IL1RAPL2: variants seen among roughly 807,000 people sequenced by gnomAD.
The protein encoded by IL1RAPL2 is interleukin 1 receptor accessory protein like 2.
IL1RAPL2 carries 3 observed loss-of-function variants against 44.1 expected under a neutral mutation model. The observed-to-expected ratio is 0.07, with a 90% CI of 0.03 to 0.18. IL1RAPL2 has a LOEUF of 0.18. Ranked by LOEUF, IL1RAPL2 falls within the 10% of genes least tolerant of loss-of-function variation. IL1RAPL2 has a pLI of 1.00. For missense variants in IL1RAPL2, 391 were observed against 496.4 expected (o/e 0.79, Z 2.02); for synonymous variants, 181 against 178.8 (o/e 1.01, Z -0.10).
At chrX:105,643,729 A>C (rs1002314794) in intron 6 of IL1RAPL2, among the ~76,000 whole-genome samples, 2 of 111,568 alleles carry the variant, frequency 1.8e-5, no homozygotes, top group African/African-American at 6.5e-5. Context: ...ATGTCCAGTC[A>C]GTCCTTGGCA....
At chrX:105,431,585 A>G (rs1431567995) in intron 5 of IL1RAPL2, among the ~76,000 whole-genome samples, 1 of 111,187 alleles carries the variant, frequency 9.0e-6, no homozygotes, top group Non-Finnish European at 1.9e-5. Flanking sequence ...TCTTCCCTTA[A>G]AACATTAAAA....
In IL1RAPL2 at chrX:105,720,845, G is replaced by C. The variant is rs192574144; in HGVS notation, c.902+3349G>C. Among the ~76,000 whole-genome samples the C allele has an allele frequency of 1.5e-4, 16 of 110,110 alleles. No individual in the cohort carries two copies. In the Admixed American group the frequency reaches 1.5e-3, roughly 11 times the overall value. On this transcript the variant is annotated intron_variant, in intron 7 of 10. Transcript: ENST00000372582. ...AATTTTTGATTTATAGGAAAATCAT[G>C]AGGATAGTATATAGAGTTCCTATAT...
chrX:105,545,945 C>T (rs1404961477), intron 6 of IL1RAPL2, among the ~76,000 whole-genome samples: 1 of 111,506 alleles, frequency 9.0e-6, no homozygotes, highest in Admixed American at 9.6e-5. Context: ...TTATCCCAAC[C>T]ATGACTGCAG....
chrX:104,863,794 T>C (rs1295026391), intron 2 of IL1RAPL2, among the ~76,000 whole-genome samples: 2 of 112,265 alleles, frequency 1.8e-5, no homozygotes, highest in Non-Finnish European at 3.8e-5. Flanking sequence ...TAAGACTAAA[T>C]ACTATTTCAT....
intron 5 of IL1RAPL2, among the ~76,000 whole-genome samples, chrX:105,364,859 C>A (rs953200818): frequency 9.0e-6 from 1 of 111,705 alleles, no homozygotes; most frequent in Non-Finnish European, 1.9e-5. Context: ...GAGACAGTTT[C>A]ACTTTTTCCT....
intron 2 of IL1RAPL2, among the ~76,000 whole-genome samples, chrX:105,116,871 G>C (rs2032867947): frequency 8.9e-6 from 1 of 111,855 alleles, no homozygotes; most frequent in African/African-American, 3.3e-5. Flanking sequence ...ATTTAATGTT[G>C]CTGACAATTG....
chrX:104,585,286 A>AATATATT (rs1253181616), intron 1 of IL1RAPL2, among the ~76,000 whole-genome samples: 1 of 22,210 alleles, frequency 4.5e-5, no homozygotes, highest in East Asian at 2.2e-3. Context: ...TATATTATAT[A>AATATATT]ATATATTATA....
intron 4 of IL1RAPL2, 67 bp from the exon 5 acceptor site, chrX:105,267,321 T>C: frequency 5.3e-6 from 5 of 939,981 alleles, no homozygotes; most frequent in Non-Finnish European, 4.5e-6. Context: ...AAGTACTAAC[T>C]TGCTGGTACT....
intron 2 of IL1RAPL2, among the ~76,000 whole-genome samples, chrX:104,708,611 A>C (rs1056071265): frequency 1.8e-5 from 2 of 111,304 alleles, no homozygotes; most frequent in Non-Finnish European, 3.8e-5. Context: ...TGGCAAATAC[A>C]TTTATTTACT....
intron 2 of IL1RAPL2, among the ~76,000 whole-genome samples, chrX:104,795,604 T>C (rs1209154992): frequency 9.0e-6 from 1 of 111,095 alleles, no homozygotes; most frequent in Non-Finnish European, 1.9e-5. Flanking sequence ...CTTGAGGAAA[T>C]ATTCTGTTAT....
At chrX:104,892,648 T>A (rs752766504) in intron 2 of IL1RAPL2, among the ~76,000 whole-genome samples, 1 of 112,009 alleles carries the variant, frequency 8.9e-6, no homozygotes, top group South Asian at 3.7e-4. Context: ...ATCCCCTTTA[T>A]CATTTTTTAT....
intron 2 of IL1RAPL2, among the ~76,000 whole-genome samples, chrX:104,743,179 T>G (rs1932122178): frequency 1.8e-5 from 2 of 110,910 alleles, no homozygotes; most frequent in African/African-American, 6.5e-5. Flanking sequence ...TTTACTCTCT[T>G]TACTCCGAGT....
At chrX:104,676,365 G>A (rs1394151193) in intron 2 of IL1RAPL2, among the ~76,000 whole-genome samples, 10 of 111,135 alleles carry the variant, frequency 9.0e-5, no homozygotes, top group South Asian at 3.8e-4. Flanking sequence ...ATGAAGCTTA[G>A]TTTGGCTGGA....
intron 2 of IL1RAPL2, among the ~76,000 whole-genome samples, chrX:105,153,246 T>C (rs1449192459): frequency 1.8e-5 from 2 of 112,454 alleles, no homozygotes; most frequent in African/African-American, 6.5e-5. Context: ...GTAAATACCA[T>C]TTTAACATAG....
At chrX:104,677,355 C>T (rs1006715600) in intron 2 of IL1RAPL2, among the ~76,000 whole-genome samples, 3 of 109,483 alleles carry the variant, frequency 2.7e-5, no homozygotes, top group Admixed American at 9.7e-5. Context: ...AATACCCTGC[C>T]GTGTGAGGTG....
chrX:104,895,546 C>T (rs367881451), intron 2 of IL1RAPL2, among the ~76,000 whole-genome samples: 2 of 112,659 alleles, frequency 1.8e-5, no homozygotes, highest in African/African-American at 6.4e-5. Flanking sequence ...GCTGTGCTAG[C>T]AATGAGTGAG....
intron 5 of IL1RAPL2, among the ~76,000 whole-genome samples, chrX:105,309,011 T>C (rs963256506): frequency 4.5e-5 from 5 of 110,821 alleles, no homozygotes; most frequent in African/African-American, 1.6e-4. Flanking sequence ...TCTCATTCTG[T>C]TTTAATTTAA....
At chrX:104,751,000 T>G (rs1043990638) in intron 2 of IL1RAPL2, among the ~76,000 whole-genome samples, 2 of 111,524 alleles carry the variant, frequency 1.8e-5, no homozygotes, top group Non-Finnish European at 3.8e-5. Flanking sequence ...AACTAGATGG[T>G]ATTTTAGGTC....
intron 6 of IL1RAPL2, among the ~76,000 whole-genome samples, chrX:105,638,764 G>A (rs766319708): frequency 5.3e-5 from 6 of 112,375 alleles, no homozygotes; most frequent in Middle Eastern, 4.7e-3. Context: ...TTGTACATTT[G>A]TGGGCACCAT....
Sources: allele counts gnomAD v4.1 joint callset (sites outside exome capture counted in the v4.1 genomes callset), GRCh38; gene constraint gnomAD v4.1.1; transcripts MANE v1.5; gene names NCBI Gene and HGNC (gene_info 2026-07-23, HGNC 2026-07-21).